The following XPA variants were observed in gnomAD, a reference collection of about 807,000 sequenced individuals.
The protein encoded by XPA is DNA repair protein complementing XP-A cells.
A neutral mutation model predicts 35.7 loss-of-function variants in XPA; 27 were observed. That is an observed-to-expected ratio of 0.76 (90% CI 0.56 to 1.04). XPA has a LOEUF of 1.04. Among genes scored for constraint, XPA ranks in the 50% least tolerant of loss-of-function variants. The pLI, the probability that XPA is intolerant of heterozygous loss-of-function variation, is 0.00. For missense variants in XPA, 354 were observed against 342.7 expected, an observed-to-expected ratio of 1.03 and a Z score of -0.26; for synonymous variants, 133 against 118.4, an observed-to-expected ratio of 1.12 and a Z score of -0.80.
At chr9:97,666,974 C>A in the XPA span, 1 of 953,036 alleles carries the variant, frequency 1.0e-6, no homozygotes, top group Non-Finnish European at 1.5e-6. Flanking sequence ...TTCATTTTTT[C>A]TGAGCCCAAA....
intron 3 of XPA, among the ~76,000 whole-genome samples, chr9:97,688,282 C>A (rs530041274): frequency 6.6e-6 from 1 of 152,278 alleles, no homozygotes; most frequent in South Asian, 2.1e-4. Flanking sequence ...GAACACGACC[C>A]CCTCCTTCCA....
At chr9:97,660,347 T>A in the XPA span, among the ~76,000 whole-genome samples, 11 of 152,206 alleles carry the variant, frequency 7.2e-5, no homozygotes, top group Non-Finnish European at 1.6e-4. Flanking sequence ...TAGCACAAAT[T>A]TTTATAATAA....
At chr9:97,663,374 T>A in the XPA span, among the ~76,000 whole-genome samples, 1 of 152,218 alleles carries the variant, frequency 6.6e-6, no homozygotes, top group Non-Finnish European at 1.5e-5. Flanking sequence ...AAAGAAACAT[T>A]TAAATAAATT....
Position 97,675,633 on chromosome 9 carries a change from G to A in XPA, c.674-46C>T, listed in dbSNP as rs375550517. ...TCATCTTTTCAGTGGTGCTATTCAG[G>A]TGAATCCAAAAATCCAACTCCATCA... On this transcript the variant is annotated intron_variant, in intron 5 of 5. Coordinates refer to ENST00000375128, the MANE Select transcript of XPA (RefSeq NM_000380.4). The A allele has an allele frequency of 1.9e-5, 31 of 1,612,946 alleles. No homozygotes were observed. The African/African-American group carries it at 3.6e-4, about 19-fold the overall frequency.
At chr9:97,685,094 TA>T in intron 4 of XPA, 54 bp from the exon 5 acceptor site, 1 of 1,468,920 alleles carries the variant, frequency 6.8e-7, no homozygotes, top group Non-Finnish European at 9.5e-7. Context: ...TGCGAAATAT[TA>T]TAGTTATAAC....
chr9:97,654,830 C>T, the XPA span: 1 of 1,500,540 alleles, frequency 6.7e-7, no homozygotes, highest in Non-Finnish European at 9.3e-7. Flanking sequence ...TCTATTACAA[C>T]TTATTTGGGA....
At chr9:97,677,797 T>C (rs1828414273) in intron 5 of XPA, among the ~76,000 whole-genome samples, 2 of 151,816 alleles carry the variant, frequency 1.3e-5, no homozygotes, top group Admixed American at 6.6e-5. Flanking sequence ...TCCAGTCCTA[T>C]GGAGCAAGCA....
At chr9:97,680,667 T>A (rs745644962) in intron 5 of XPA, among the ~76,000 whole-genome samples, 2 of 152,252 alleles carry the variant, frequency 1.3e-5, no homozygotes, top group Admixed American at 1.3e-4. Context: ...ATAAAAAAAA[T>A]TTAAGATAAA....
At chr9:97,673,537 G>C (rs1828260965), downstream of XPA, 1 of 152,178 alleles carries the variant, frequency 6.6e-6, no homozygotes, top group Non-Finnish European at 1.5e-5. Flanking sequence ...GTCCTGCTCT[G>C]TCCCAGTCTA....
the XPA span, among the ~76,000 whole-genome samples, chr9:97,658,355 C>T: frequency 3.3e-5 from 5 of 152,314 alleles, no homozygotes; most frequent in East Asian, 3.9e-4. Context: ...GTTTCCAAAG[C>T]GTGCAGTCAT....
chr9:97,658,738 G>A, the XPA span: 1 of 1,591,952 alleles, frequency 6.3e-7, no homozygotes, highest in South Asian at 1.1e-5. Flanking sequence ...GGAGATGAAA[G>A]TAGCAGTAAG....
chr9:97,666,786 A>C, the XPA span: 1 of 1,604,050 alleles, frequency 6.2e-7, no homozygotes, highest in Non-Finnish European at 8.5e-7. Context: ...GAAATTTTGC[A>C]CTCTACAATT....
At chr9:97,676,539 A>G (rs1207823025) in intron 5 of XPA, among the ~76,000 whole-genome samples, 2 of 152,198 alleles carry the variant, frequency 1.3e-5, no homozygotes, top group Non-Finnish European at 2.9e-5. Flanking sequence ...TCAAGTAATC[A>G]CATATTTTCC....
chr9:97,689,083 C>A (rs888788260), intron 3 of XPA, among the ~76,000 whole-genome samples: 1 of 152,104 alleles, frequency 6.6e-6, no homozygotes, highest in Non-Finnish European at 1.5e-5. Flanking sequence ...TCTATTCTCT[C>A]TATGAGGGTA....
At chr9:97,680,544 G>A (rs191417586) in intron 5 of XPA, among the ~76,000 whole-genome samples, 49 of 152,252 alleles carry the variant, frequency 3.2e-4, no homozygotes, top group Admixed American at 1.2e-3. Flanking sequence ...TTGTTCTGAG[G>A]AGAAACATGC....
intron 5 of XPA, among the ~76,000 whole-genome samples, chr9:97,677,171 A>G (rs1208984565): frequency 6.6e-6 from 1 of 152,204 alleles, no homozygotes; most frequent in African/African-American, 2.4e-5. Context: ...TATTATGTGT[A>G]CTTAAAAAGA....
downstream of XPA, chr9:97,670,941 G>A: frequency 2.1e-6 from 1 of 484,418 alleles, no homozygotes; most frequent in Non-Finnish European, 3.7e-6. Context: ...GGGATTTTCA[G>A]GGGTCCATTG....
At chr9:97,658,695 T>C in the XPA span, 4 of 1,613,632 alleles carry the variant, frequency 2.5e-6, no homozygotes, top group Non-Finnish European at 3.4e-6. Flanking sequence ...CTCAGCTCTG[T>C]GTCCTGCAAA....
At chr9:97,660,831 C>A in the XPA span, 1 of 1,200,840 alleles carries the variant, frequency 8.3e-7, no homozygotes, top group Non-Finnish European at 1.1e-6. Context: ...GGATAAAGAG[C>A]ATCCTATTTT....
Sources: allele counts gnomAD v4.1 joint callset (sites outside exome capture counted in the v4.1 genomes callset), GRCh38; gene constraint gnomAD v4.1.1; transcripts MANE v1.5; gene names NCBI Gene and HGNC (gene_info 2026-07-23, HGNC 2026-07-21).